SLC2A13: variants seen among roughly 807,000 people sequenced by gnomAD.
SLC2A13 encodes proton myo-inositol cotransporter.
In SLC2A13, 32 loss-of-function variants were observed where a neutral mutation model predicts 64.4. The observed-to-expected ratio is 0.50, with a 90% CI of 0.37 to 0.67. The LOEUF is 0.67. Among genes scored for constraint, SLC2A13 ranks in the 30% least tolerant of loss-of-function variants. The probability of loss-of-function intolerance (pLI) is 0.00; values close to 1 mark genes in which losing one functional copy is unlikely to be tolerated. For missense variants in SLC2A13, 743 were observed against 829.2 expected, an observed-to-expected ratio of 0.90 and a Z score of 1.28; for synonymous variants, 338 against 327.1, an observed-to-expected ratio of 1.03 and a Z score of -0.36.
chr12:40,056,563 G>A (rs1268718251), intron 1 of SLC2A13, among the ~76,000 whole-genome samples: 1 of 152,068 alleles, frequency 6.6e-6, no homozygotes, highest in Non-Finnish European at 1.5e-5. Context: ...CAGCATAAGT[G>A]GTGTTTTGTC....
At chr12:40,030,761 G>T (rs1033920905) in intron 2 of SLC2A13, among the ~76,000 whole-genome samples, 2 of 152,068 alleles carry the variant, frequency 1.3e-5, no homozygotes, top group African/African-American at 4.8e-5. Context: ...GAAGAGAAAA[G>T]AGAAGACAAA....
At chr12:39,810,001 T>G (rs1348443839) in intron 7 of SLC2A13, among the ~76,000 whole-genome samples, 1 of 152,202 alleles carries the variant, frequency 6.6e-6, no homozygotes, top group African/African-American at 2.4e-5. Flanking sequence ...GCATGATTTA[T>G]AATCCTTTGG....
intron 7 of SLC2A13, among the ~76,000 whole-genome samples, chr12:39,828,682 T>C (rs1347357932): frequency 6.7e-6 from 1 of 150,290 alleles, no homozygotes; most frequent in Non-Finnish European, 1.5e-5. Context: ...TTTCATAACA[T>C]GTTTATAATT....
intron 6 of SLC2A13, among the ~76,000 whole-genome samples, chr12:39,834,980 C>T (rs1379199468): frequency 6.6e-6 from 1 of 152,068 alleles, no homozygotes; most frequent in Non-Finnish European, 1.5e-5. Context: ...ATGGCTATTA[C>T]ATTTTTCACT....
At position 39,764,342 on chromosome 12, in the gene SLC2A13, A is replaced by C. The variant is rs1053508310; in HGVS notation, c.1720+118T>G. ...TTTGGAGGACAAGAAAGCCACATGG[A>C]GATACTTATAACAGCAAAATATAAC... On this transcript the variant is annotated intron_variant, in intron 9 of 9. Coordinates refer to ENST00000280871, the MANE Select transcript of SLC2A13 (RefSeq NM_052885.4). 9.0e-6 allele frequency: 8 copies of C among 891,664 alleles called. No individual in the cohort carries two copies. In the African/African-American group the frequency reaches 1.0e-4, roughly 11 times the overall value. 55.2% of individuals were successfully genotyped at this position (891,664 alleles called of 1,614,324 possible).
At chr12:39,940,429 G>C (rs1009997887) in intron 4 of SLC2A13, among the ~76,000 whole-genome samples, 4 of 151,642 alleles carry the variant, frequency 2.6e-5, no homozygotes, top group Non-Finnish European at 4.4e-5. Flanking sequence ...TTTAATACCA[G>C]CTGTGCTTGT....
intron 2 of SLC2A13, among the ~76,000 whole-genome samples, chr12:40,039,246 T>C (rs925026703): frequency 2.0e-5 from 3 of 152,212 alleles, no homozygotes; most frequent in Admixed American, 2.0e-4. Flanking sequence ...ACTATTAATA[T>C]AGCCACACCA....
At chr12:39,826,684 T>A (rs73274632) in intron 7 of SLC2A13, among the ~76,000 whole-genome samples, 1 of 151,314 alleles carries the variant, frequency 6.6e-6, no homozygotes, top group Non-Finnish European at 1.5e-5. Flanking sequence ...TCCTATGTCA[T>A]TTCTCTAAAA....
intron 7 of SLC2A13, among the ~76,000 whole-genome samples, chr12:39,816,790 G>GTTC (rs1388579733): frequency 6.6e-6 from 1 of 152,020 alleles, no homozygotes; most frequent in Non-Finnish European, 1.5e-5. Context: ...TTCATCCTTA[G>GTTC]TTCTTGGTGA....
At chr12:39,764,328 A>G in intron 9 of SLC2A13, 132 bp downstream of exon 9, 2 of 785,340 alleles carry the variant, frequency 2.5e-6, no homozygotes, top group Non-Finnish European at 3.8e-6. Context: ...TTGGAGGACA[A>G]GAAAGCCACA....
At chr12:40,098,197 T>C (rs1175509387) in intron 1 of SLC2A13, among the ~76,000 whole-genome samples, 1 of 152,124 alleles carries the variant, frequency 6.6e-6, no homozygotes. Flanking sequence ...GGAAACTCTA[T>C]CATATGCTAC....
intron 3 of SLC2A13, among the ~76,000 whole-genome samples, chr12:39,966,353 T>C (rs1946516197): frequency 6.6e-6 from 1 of 152,024 alleles, no homozygotes; most frequent in Non-Finnish European, 1.5e-5. Context: ...TACCACTGAA[T>C]ATATAAATAG....
At chr12:39,818,276 G>GA (rs988766815) in intron 7 of SLC2A13, among the ~76,000 whole-genome samples, 31 of 148,722 alleles carry the variant, frequency 2.1e-4, no homozygotes, top group African/African-American at 3.7e-4. Context: ...GAAGTCACAG[G>GA]AAAAAAAAAA....
intron 2 of SLC2A13, among the ~76,000 whole-genome samples, chr12:40,034,807 A>C (rs1947953603): frequency 6.6e-6 from 1 of 152,210 alleles, no homozygotes; most frequent in Admixed American, 6.5e-5. Context: ...CTTTGAAAAC[A>C]CTAACTAATG....
chr12:39,997,980 A>T (rs1947260458), intron 3 of SLC2A13, among the ~76,000 whole-genome samples: 1 of 152,218 alleles, frequency 6.6e-6, no homozygotes. Context: ...TAAAGAACTA[A>T]AAGTAAAACT....
rs1592087469 is a variant in SLC2A13, at chr12:40,105,380, G to A, written c.429C>T (p.Gly143=). 1 of 1,565,004 alleles carries A rather than the reference G, an allele frequency of 6.4e-7. No homozygotes were observed. The highest frequency in any genetic ancestry group is 2.4e-5 in the East Asian group (1 of 41,980). Residue 143 remains glycine, a synonymous_variant, in exon 1 of 10, where the codon GGC becomes GGT. Coordinates refer to ENST00000280871, the MANE Select transcript of SLC2A13 (RefSeq NM_052885.4). The surrounding 1 kb of genome is among the most constrained non-coding windows in gnomAD (Gnocchi z 4.2). ...GGATGGCAGCGCGGCGGCCGAAGAC[G>A]CCGTTGAGGGCGCCTCCGGCCAGCG... ...VSALAGGALN[G]VFGRRAAILL...
chr12:39,815,264 A>G (rs1942308145), intron 7 of SLC2A13, among the ~76,000 whole-genome samples: 1 of 152,198 alleles, frequency 6.6e-6, no homozygotes, highest in Non-Finnish European at 1.5e-5. Context: ...AAATAGAAAA[A>G]GAGAAAACAG....
chr12:40,038,637 G>A (rs1031713924), intron 2 of SLC2A13, among the ~76,000 whole-genome samples: 15 of 151,710 alleles, frequency 9.9e-5, no homozygotes, highest in African/African-American at 2.7e-4. Context: ...AGGCTGAGGC[G>A]GGAGGGTCAC....
intron 3 of SLC2A13, among the ~76,000 whole-genome samples, chr12:39,957,306 C>T (rs911165621): frequency 2.0e-5 from 3 of 152,136 alleles, no homozygotes; most frequent in African/African-American, 7.2e-5. Flanking sequence ...TTGTTCATGC[C>T]ACAAATGCCA....
Sources: allele counts gnomAD v4.1 joint callset (sites outside exome capture counted in the v4.1 genomes callset), GRCh38; gene constraint gnomAD v4.1.1; non-coding constraint Gnocchi (gnomAD v3.1); transcripts MANE v1.5; gene names NCBI Gene and HGNC (gene_info 2026-07-23, HGNC 2026-07-21).